TMC7: variants seen among roughly 807,000 people sequenced by gnomAD.
TMC7 encodes transmembrane channel like 7, also known as transmembrane channel-like protein 7.
TMC7 carries 54 observed loss-of-function variants against 82.9 expected under a neutral mutation model. That is an observed-to-expected ratio of 0.65 (90% confidence interval 0.52 to 0.82). TMC7 has a LOEUF of 0.82. Ranked by LOEUF, TMC7 falls within the 40% of genes least tolerant of loss-of-function variation. The pLI is 0.00. For synonymous variants in TMC7, 350 were observed against 337.9 expected (o/e 1.04, Z -0.39); for missense variants, 820 against 901.2 (o/e 0.91, Z 1.15).
chr16:19,013,540 C>T (rs928744643), intron 2 of TMC7, among the ~76,000 whole-genome samples: 1 of 149,938 alleles, frequency 6.7e-6, no homozygotes, highest in Admixed American at 6.7e-5. Flanking sequence ...TTTTTTGAGA[C>T]GGAATCTCAC....
At chr16:19,000,564 T>C (rs956030988) in intron 1 of TMC7, among the ~76,000 whole-genome samples, 2 of 152,214 alleles carry the variant, frequency 1.3e-5, no homozygotes, top group Admixed American at 1.3e-4. Context: ...ATCGGTAATA[T>C]CAAATTGTGT....
intron 15 of TMC7, among the ~76,000 whole-genome samples, chr16:19,061,446 G>A (rs929178960): frequency 1.3e-5 from 2 of 151,874 alleles, no homozygotes; most frequent in African/African-American, 4.8e-5. Context: ...ACCTCACCCG[G>A]CCTAATTTTT....
Position 19,009,345 on chromosome 16 carries a change from A to G in TMC7, c.241A>G (p.Ile81Val). ...TTACAGCTCCCAGCTGGAGGACAGA[A>G]TCGCTGAAAACCTCAGCAGCCATTC... ...DSYSSQLEDR[I>V]AENLSSHSLR... The change falls in exon 2 of 16, where the codon ATC becomes GTC. Residue 81 changes from isoleucine (I) to valine (V), a missense_variant. Physicochemically the swap from Ile to Val is conservative, Grantham distance 29. Coordinates refer to ENST00000304381, the MANE Select transcript of TMC7 (RefSeq NM_024847.4). 8 of 1,614,184 alleles carry G rather than the reference A, an allele frequency of 5.0e-6. No individual in the cohort carries two copies. The highest frequency in any genetic ancestry group is 6.8e-6 in the Non-Finnish European group (8 of 1,180,038).
At position 18,984,014 on chromosome 16, in the gene TMC7, G is replaced by C; in HGVS notation, c.-50G>C. On this transcript the variant is annotated 5_prime_UTR_variant, in exon 1 of 16. Transcript: ENST00000304381. ...AGGCCGGGGAGGCGGCGGCGGCGGC[G>C]GCGGCTGGAGAGGGTCCTCGGCAGC... 2 of 1,377,142 alleles carry C rather than the reference G, an allele frequency of 1.5e-6. No individual in the cohort carries two copies. Among genetic ancestry groups the C allele is most frequent in the Non-Finnish European group, 1.9e-6 (2 of 1,072,594 alleles). 85.3% of individuals were successfully genotyped at this position (1,377,142 alleles called of 1,614,324 possible). A position where few individuals can be genotyped will look rare whatever the true frequency, so the allele number is the denominator to read the frequency against.
intron 1 of TMC7, among the ~76,000 whole-genome samples, chr16:18,998,890 G>A (rs1480378451): frequency 2.6e-5 from 4 of 152,160 alleles, no homozygotes; most frequent in Non-Finnish European, 4.4e-5. Flanking sequence ...GCCAGTCACC[G>A]GCCCCACCCA....
chr16:19,040,163 G>C (rs1483936338), intron 8 of TMC7, 126 bp from the exon 9 acceptor site: 1 of 648,248 alleles, frequency 1.5e-6, no homozygotes, highest in East Asian at 3.0e-5. Flanking sequence ...TATGCTTACA[G>C]GCCATGTTGA....
rs149970716 is a variant in TMC7, at chr16:19,018,177, T to C, written c.460+1579T>C. 3.3e-3 allele frequency among the ~76,000 whole-genome samples: 505 copies of C among 152,204 alleles called. 1 individual carries two copies. The highest frequency in any genetic ancestry group is 5.4e-3 in the Non-Finnish European group (369 of 68,002). On this transcript the variant is annotated intron_variant, in intron 3 of 15. Transcript: ENST00000304381. The stretch of plus-strand genomic sequence containing the variant: ...AATAAACAAACAGAAAGCCTTATTA[T>C]CCTGAGTCGAGGTTCATCACTTTTA...
At chr16:19,036,252 G>A (rs1960742717) in intron 7 of TMC7, among the ~76,000 whole-genome samples, 1 of 152,212 alleles carries the variant, frequency 6.6e-6, no homozygotes, top group Admixed American at 6.5e-5. Context: ...GCTTATGCCT[G>A]TAATCCCAGC....
intron 1 of TMC7, among the ~76,000 whole-genome samples, chr16:18,995,947 G>T (rs1158151319): frequency 3.9e-5 from 6 of 152,062 alleles, no homozygotes; most frequent in Admixed American, 3.9e-4. Context: ...CATGAACTGG[G>T]CTGGGTTTTT....
At chr16:19,011,854 G>A (rs1011217660) in intron 2 of TMC7, among the ~76,000 whole-genome samples, 1 of 152,096 alleles carries the variant, frequency 6.6e-6, no homozygotes, top group Non-Finnish European at 1.5e-5. Context: ...CTTTATAAAT[G>A]TATTTTAGCT....
intron 11 of TMC7, 26 bp downstream of exon 11, chr16:19,045,464 T>A: frequency 6.7e-7 from 1 of 1,498,348 alleles, no homozygotes; most frequent in South Asian, 1.1e-5. Context: ...GCCCATATTA[T>A]CCCCCCCACC....
intron 7 of TMC7, among the ~76,000 whole-genome samples, chr16:19,037,106 G>T (rs1960782251): frequency 6.6e-6 from 1 of 152,062 alleles, no homozygotes; most frequent in Non-Finnish European, 1.5e-5. Flanking sequence ...ATAAAAAATA[G>T]TTGGGCTAGG....
Position 18,992,877 on chromosome 16 carries a change from T to G in TMC7, c.67+8747T>G, listed in dbSNP as rs371811332. Among the ~76,000 whole-genome samples the G allele has an allele frequency of 9.8e-4, 150 of 152,318 alleles. 1 individual carries two copies. Among genetic ancestry groups the G allele is most frequent in the African/African-American group, 3.3e-3 (139 of 41,584 alleles). On this transcript the variant is annotated intron_variant, in intron 1 of 15. Transcript: ENST00000304381. ...GGAATCCTTTCCCCATTTCTTGTTA[T>G]TGTTAGGTTTGTCAAAGATCAGATG...
chr16:18,988,001 A>C lies in TMC7; in HGVS notation c.67+3871A>C, dbSNP rs572137559. 5.1e-3 allele frequency among the ~76,000 whole-genome samples: 783 copies of C among 152,220 alleles called. 4 individuals are homozygous for C. The highest frequency in any genetic ancestry group is 0.018 in the African/African-American group (727 of 41,538). The stretch of plus-strand genomic sequence containing the variant: ...AGCTGCGCTTGTGGTGGAGCTGGAC[A>C]CTGATTTTAGCTGGACCTTGTTTTT... On this transcript the variant is annotated intron_variant, in intron 1 of 15. Transcript: ENST00000304381.
In TMC7 at chr16:19,059,407, G is replaced by C; in HGVS notation, c.2028-9G>C. 1 of 1,612,582 alleles carries C rather than the reference G, an allele frequency of 6.2e-7. No individual in the cohort carries two copies. The highest frequency in any genetic ancestry group is 8.5e-7 in the Non-Finnish European group (1 of 1,179,140). On this transcript the variant is annotated splice_polypyrimidine_tract_variant and intron_variant, in intron 14 of 15. Coordinates refer to ENST00000304381, the MANE Select transcript of TMC7 (RefSeq NM_024847.4). ...GACTCCCTTGTGACCTGTCTGTCTTGTGTTGCAGCCTCATCATGTTTTACT... is the reference window on the plus strand; with the variant it reads ...GACTCCCTTGTGACCTGTCTGTCTTCTGTTGCAGCCTCATCATGTTTTACT...
At chr16:19,020,059 C>T (rs1959891093) in intron 3 of TMC7, among the ~76,000 whole-genome samples, 1 of 152,020 alleles carries the variant, frequency 6.6e-6, no homozygotes, top group South Asian at 2.1e-4. Context: ...ATTTGCAAAT[C>T]AATCGATGTA....
At chr16:19,007,728 CA>C (rs2039266967) in intron 1 of TMC7, among the ~76,000 whole-genome samples, 1 of 150,338 alleles carries the variant, frequency 6.7e-6, no homozygotes, top group Non-Finnish European at 1.5e-5. Flanking sequence ...CCCACCTTAT[CA>C]AAAACAGTTT....
At chr16:18,985,801 G>A (rs1471949878) in intron 1 of TMC7, among the ~76,000 whole-genome samples, 1 of 144,582 alleles carries the variant, frequency 6.9e-6, no homozygotes, top group Non-Finnish European at 1.5e-5. Context: ...GTGACCTGTT[G>A]TATGGGCATT....
chr16:19,060,150 G>A (rs780416771), intron 15 of TMC7, among the ~76,000 whole-genome samples: 9 of 152,076 alleles, frequency 5.9e-5, no homozygotes, highest in Admixed American at 3.3e-4. Context: ...AGTGACAAGC[G>A]GGCTATCAGT....
Sources: gnomAD v4.1 joint callset for allele counts (sites outside exome capture counted in the v4.1 genomes callset) on GRCh38, gnomAD v4.1.1 for gene constraint, MANE v1.5 for transcripts, NCBI Gene and HGNC (gene_info 2026-07-23, HGNC 2026-07-21) for gene names.